The following CCDC141 variants were observed in gnomAD, a reference collection of about 807,000 sequenced individuals.
The protein encoded by CCDC141 is coiled-coil domain-containing protein 141.
A neutral mutation model predicts 181.0 loss-of-function variants in CCDC141; 168 were observed. The ratio of observed to expected loss-of-function variants is 0.93; its 90% CI spans 0.82 to 1.05. The LOEUF (loss-of-function observed/expected upper bound fraction) is 1.05. Among genes scored for constraint, CCDC141 ranks in the 50% least tolerant of loss-of-function variants. The probability of loss-of-function intolerance (pLI) is 0.00; values close to 1 mark genes in which losing one functional copy is unlikely to be tolerated. For synonymous variants in CCDC141, 666 were observed against 642.3 expected (o/e 1.04, Z -0.56); for missense variants, 1,902 against 1,788.5 (o/e 1.06, Z -1.14).
At chr2:178,978,714 C>T (rs779767321) in intron 2 of CCDC141, 39 bp from the exon 3 acceptor site, 147 of 1,410,874 alleles carry the variant, frequency 1.0e-4, no homozygotes, top group Non-Finnish European at 1.3e-4. Flanking sequence ...AGGGTGTTAA[C>T]TTAATGTAAG....
rs542820644 is a variant in CCDC141, at chr2:178,990,629, G to A, written c.226-11954C>T. Among the ~76,000 whole-genome samples, 92 of 150,916 alleles carry A rather than the reference G, an allele frequency of 6.1e-4. 1 individual carries two copies. In the Middle Eastern group the frequency reaches 0.014, roughly 23 times the overall value. On this transcript the variant is annotated intron_variant, in intron 2 of 23. Coordinates refer to ENST00000443758, the MANE Select transcript of CCDC141 (RefSeq NM_173648.4). ...GGGAGGGAAGGGAAGGGAAGGGAATGGAAGGGAAGTGAGACCAATACATGC... is the reference window on the plus strand; with the variant it reads ...GGGAGGGAAGGGAAGGGAAGGGAATAGAAGGGAAGTGAGACCAATACATGC...
intron 8 of CCDC141, 44 bp downstream of exon 8, chr2:178,905,285 G>A (rs1470277813): frequency 6.7e-7 from 1 of 1,486,706 alleles, no homozygotes. Context: ...TGTGGAAACT[G>A]TGAAAAAGCT....
chr2:179,039,595 C>T (rs974494046), intron 2 of CCDC141, among the ~76,000 whole-genome samples: 3 of 151,486 alleles, frequency 2.0e-5, no homozygotes, highest in Admixed American at 2.0e-4. Flanking sequence ...AGAGTTGACT[C>T]AGCACCGAAT....
Position 179,047,305 on chromosome 2 carries a change from T to C in CCDC141, c.204A>G (p.Glu68=). ...DETKKLLHDH[E]LLLAKLKALE... is the part of the protein sequence containing the mutation. ...TTACCTTGAGCTTGGCCAAAAGAAG[T>C]TCATGATCATGAAGAAGTTTTTTGG... The change falls in exon 2 of 24, where the codon GAA becomes GAG. Residue 68 remains glutamate, a synonymous_variant. Coordinates refer to ENST00000443758, the MANE Select transcript of CCDC141 (RefSeq NM_173648.4). 1 of 1,541,652 alleles carries C rather than the reference T, an allele frequency of 6.5e-7. No homozygotes were observed. The highest frequency in any genetic ancestry group is 2.5e-5 in the East Asian group (1 of 40,532).
chr2:179,012,647 G>C (rs1397892044), intron 2 of CCDC141, among the ~76,000 whole-genome samples: 2 of 151,972 alleles, frequency 1.3e-5, no homozygotes, highest in East Asian at 3.9e-4. Context: ...CCAAAACCAG[G>C]AAAGGACATA....
At chr2:178,992,340 CTTTTT>C (rs34507992) in intron 2 of CCDC141, among the ~76,000 whole-genome samples, 1 of 118,612 alleles carries the variant, frequency 8.4e-6, no homozygotes, top group Non-Finnish European at 1.7e-5. Flanking sequence ...TAAAATAGAC[CTTTTT>C]TTTTTTTTTT....
At chr2:178,844,441 G>C (rs1387491208) in intron 22 of CCDC141, among the ~76,000 whole-genome samples, 1 of 152,148 alleles carries the variant, frequency 6.6e-6, no homozygotes, top group Non-Finnish European at 1.5e-5. Flanking sequence ...CAGTGCTGTG[G>C]TTGAGAAACC....
intron 4 of CCDC141, among the ~76,000 whole-genome samples, chr2:178,965,986 A>G (rs1275963464): frequency 6.6e-6 from 1 of 152,206 alleles, no homozygotes; most frequent in Non-Finnish European, 1.5e-5. Context: ...TTACAATCAC[A>G]GTGTAAACAA....
intron 2 of CCDC141, among the ~76,000 whole-genome samples, chr2:179,020,195 T>C (rs2042655165): frequency 6.6e-6 from 1 of 152,170 alleles, no homozygotes; most frequent in African/African-American, 2.4e-5. Flanking sequence ...TGTGGTTTTT[T>C]TTCTCTCACT....
chr2:178,949,644 G>A (rs542130477), intron 5 of CCDC141, among the ~76,000 whole-genome samples: 12 of 152,250 alleles, frequency 7.9e-5, no homozygotes, highest in Admixed American at 3.9e-4. Context: ...AATAGGTCCC[G>A]TATACAATCA....
chr2:178,875,965 T>C (rs1686341992), intron 12 of CCDC141: 1 of 152,148 alleles, frequency 6.6e-6, no homozygotes, highest in African/African-American at 2.4e-5. Context: ...AAATAACTTT[T>C]CTTTTTTTTT....
intron 11 of CCDC141, 105 bp downstream of exon 11, chr2:178,884,795 TA>T (rs1686801218): frequency 1.3e-6 from 1 of 780,884 alleles, no homozygotes; most frequent in Admixed American, 2.6e-5. Context: ...CGCACAGGGG[TA>T]GAGGATATGG....
At chr2:178,857,228 T>G (rs915004734) in intron 17 of CCDC141, among the ~76,000 whole-genome samples, 8 of 152,186 alleles carry the variant, frequency 5.3e-5, no homozygotes, top group Admixed American at 5.2e-4. Flanking sequence ...CAAAAAGCTA[T>G]CCATGTTGAA....
chr2:178,929,265 C>T (rs370927728), intron 6 of CCDC141, among the ~76,000 whole-genome samples: 1 of 152,046 alleles, frequency 6.6e-6, no homozygotes. Flanking sequence ...AGTGATTTTA[C>T]AATTTTTTCA....
intron 6 of CCDC141, among the ~76,000 whole-genome samples, chr2:178,934,512 A>G: frequency 1.3e-5 from 2 of 152,302 alleles, no homozygotes; most frequent in South Asian, 4.2e-4. Flanking sequence ...AAGAAAAAAG[A>G]ATTTTCATAT....
At chr2:178,945,343 A>G (rs1689685425) in intron 5 of CCDC141, among the ~76,000 whole-genome samples, 1 of 152,292 alleles carries the variant, frequency 6.6e-6, no homozygotes, top group South Asian at 2.1e-4. Flanking sequence ...CATTGTCCTT[A>G]TGATCACATC....
chr2:178,878,912 G>A (rs529709694), intron 11 of CCDC141, among the ~76,000 whole-genome samples: 4 of 152,084 alleles, frequency 2.6e-5, no homozygotes, highest in Non-Finnish European at 4.4e-5. Context: ...AGAAATACAG[G>A]CCAGTGAAAG....
intron 6 of CCDC141, among the ~76,000 whole-genome samples, chr2:178,937,373 G>C (rs979656843): frequency 6.6e-6 from 1 of 152,094 alleles, no homozygotes; most frequent in African/African-American, 2.4e-5. Flanking sequence ...CTTTAGTTCT[G>C]TTTATGTGAT....
intron 6 of CCDC141, among the ~76,000 whole-genome samples, chr2:178,933,676 C>T (rs895620155): frequency 1.3e-5 from 2 of 152,180 alleles, no homozygotes; most frequent in South Asian, 2.1e-4. Flanking sequence ...CACATTGTTT[C>T]CAAGGTAATC....
Sources: allele counts gnomAD v4.1 joint callset (sites outside exome capture counted in the v4.1 genomes callset), GRCh38; gene constraint gnomAD v4.1.1; transcripts MANE v1.5; gene names NCBI Gene and HGNC (gene_info 2026-07-23, HGNC 2026-07-21).